Variants in NUP210 observed in about 807,000 individuals in gnomAD.
NUP210 encodes nuclear pore membrane glycoprotein 210.
Under a neutral mutation model 196.0 loss-of-function variants are expected in NUP210, and 151 were observed. That is an observed-to-expected ratio of 0.77 (90% confidence interval 0.67 to 0.88). The LOEUF is 0.88. NUP210 is among the 40% of genes least tolerant of loss of function. The probability of loss-of-function intolerance (pLI) is 0.00; values close to 1 mark genes in which losing one functional copy is unlikely to be tolerated. For synonymous variants in NUP210, 1,070 were observed against 1,052.7 expected (o/e 1.02, Z -0.32); for missense variants, 2,314 against 2,493.7 (o/e 0.93, Z 1.53).
Position 13,397,346 on chromosome 3 carries a change from G to A in NUP210, c.436+11C>T. The A allele has an allele frequency of 6.2e-7, 1 of 1,608,098 alleles. No individual in the cohort carries two copies. The highest frequency in any genetic ancestry group is 8.5e-7 in the Non-Finnish European group (1 of 1,177,976). ...GGCTGCAGAAGACAAACAGGCAGGGGACGTTCTCACCTTCGGAGTCCAGGG... is the reference window on the plus strand; with the variant it reads ...GGCTGCAGAAGACAAACAGGCAGGGAACGTTCTCACCTTCGGAGTCCAGGG... On this transcript the variant is annotated intron_variant, in intron 3 of 39. Coordinates refer to ENST00000254508, the MANE Select transcript of NUP210 (RefSeq NM_024923.4).
intron 20 of NUP210, among the ~76,000 whole-genome samples, chr3:13,346,279 C>T (rs1018206731): frequency 2.0e-5 from 3 of 152,192 alleles, no homozygotes; most frequent in Non-Finnish European, 2.9e-5. Flanking sequence ...GGCACTTGGC[C>T]GCTAGCTGGT....
intron 21 of NUP210, among the ~76,000 whole-genome samples, chr3:13,342,853 C>T (rs1407196062): frequency 6.6e-6 from 1 of 152,184 alleles, no homozygotes; most frequent in Non-Finnish European, 1.5e-5. Flanking sequence ...ACATGCTCAG[C>T]AGGGCATGTG....
In NUP210 at chr3:13,323,430, C is replaced by A; in HGVS notation, c.4647G>T (p.Val1549=). ...VAGHLRTYKE[V]VVSVPQRIMA... is the part of the protein sequence containing the mutation. The stretch of plus-strand genomic sequence containing the variant: ...TGATCCTCTGAGGGACGCTGACCAC[C>A]ACCTAGAGAGGGAGCCAAGGAAGCT... The change falls in exon 34 of 40, where the codon GTG becomes GTT. Residue 1549 remains valine (V), a splice_region_variant and synonymous_variant. Transcript: ENST00000254508. This position sits in a 1 kb window ranked among gnomAD's most constrained non-coding sequence, Gnocchi z 4.3. 1.2e-6 allele frequency: 2 copies of A among 1,614,076 alleles called. No homozygotes were observed. Among genetic ancestry groups the A allele is most frequent in the Non-Finnish European group, 1.7e-6 (2 of 1,179,984 alleles).
chr3:13,377,916 CACACCACCCACCTGCAGGCCCT>C (rs1385640004), intron 8 of NUP210, among the ~76,000 whole-genome samples: 4 of 151,246 alleles, frequency 2.6e-5, no homozygotes, highest in Non-Finnish European at 3.0e-5. Context: ...CTGCAGGCCC[CACACCACCCACCTGCAGGCCCT>C]ACACCACCCA....
chr3:13,318,967 C>A lies in NUP210; in HGVS notation c.5563+105G>T, dbSNP rs1377700033. 3 of 1,142,782 alleles carry A rather than the reference C, an allele frequency of 2.6e-6. No individual in the cohort carries two copies. The African/African-American group carries it at 4.7e-5, about 18-fold the overall frequency. The allele number at this position is 1,142,782 out of a possible 1,614,324, so 70.8% of individuals were successfully genotyped here. On this transcript the variant is annotated intron_variant, in intron 39 of 39. Transcript: ENST00000254508. Reference sequence around the variant, plus strand: ...GGGCCTCAGGCTCCTTTGGCCCAGGCAAGGGCCTGTTGAGACTTAGGGTTC... The same window carrying A: ...GGGCCTCAGGCTCCTTTGGCCCAGGAAAGGGCCTGTTGAGACTTAGGGTTC...
At chr3:13,322,508 A>G (rs1458740512) in intron 34 of NUP210, among the ~76,000 whole-genome samples, 169 bp from the exon 35 acceptor site, 6 of 152,244 alleles carry the variant, frequency 3.9e-5, no homozygotes, top group African/African-American at 1.4e-4. Context: ...GGATTGGTAA[A>G]GCCAAGGACA....
intron 31 of NUP210, among the ~76,000 whole-genome samples, chr3:13,328,149 C>T (rs1696852268): frequency 6.6e-6 from 1 of 152,238 alleles, no homozygotes; most frequent in South Asian, 2.1e-4. Flanking sequence ...GAACTGGGCT[C>T]CATTTCCTCC....
intron 6 of NUP210, among the ~76,000 whole-genome samples, chr3:13,380,270 A>C (rs1699058069): frequency 6.6e-6 from 1 of 152,176 alleles, no homozygotes; most frequent in African/African-American, 2.4e-5. Context: ...CCCGAGAAGT[A>C]AGAGTTCTAT....
chr3:13,319,905 G>C lies in NUP210; in HGVS notation c.5241C>G (p.Tyr1747Ter), dbSNP rs895137340. Residue 1747 changes from tyrosine to a stop codon, truncating the protein, a stop_gained, in exon 37 of 40, where the codon TAC (tyrosine) becomes TAG (stop). Transcript: ENST00000254508. LOFTEE classifies it high-confidence loss of function. ...CCGCGGGGTCCAAGACGCCGACCGTGTATGTGATGAAGCTGGGCCACCCAA... is the reference window on the plus strand; with the variant it reads ...CCGCGGGGTCCAAGACGCCGACCGTCTATGTGATGAAGCTGGGCCACCCAA... ...KSFGWPSFIT[Y>*]TVGVLDPAAG... 3 of 1,614,208 alleles carry C rather than the reference G, an allele frequency of 1.9e-6. No homozygotes were observed. The highest frequency in any genetic ancestry group is 2.5e-6 in the Non-Finnish European group (3 of 1,180,026).
intron 13 of NUP210, among the ~76,000 whole-genome samples, chr3:13,368,607 G>A (rs893914021): frequency 1.3e-5 from 2 of 152,086 alleles, no homozygotes; most frequent in African/African-American, 4.8e-5. Flanking sequence ...CCAGTCCCTG[G>A]CCACTACCAT....
intron 1 of NUP210, among the ~76,000 whole-genome samples, chr3:13,416,889 T>C (rs1700366059): frequency 6.6e-6 from 1 of 152,230 alleles, no homozygotes; most frequent in Non-Finnish European, 1.5e-5. Context: ...ACCAAAATGC[T>C]GCCTGTGATT....
intron 15 of NUP210, among the ~76,000 whole-genome samples, chr3:13,360,065 G>A (rs1698316767): frequency 1.3e-5 from 2 of 152,228 alleles, no homozygotes; most frequent in African/African-American, 4.8e-5. Flanking sequence ...CTGGCATAGC[G>A]GGAGGTCCCT....
chr3:13,318,445 G>A (rs1256149360), intron 39 of NUP210, among the ~76,000 whole-genome samples: 1 of 152,162 alleles, frequency 6.6e-6, no homozygotes, highest in Non-Finnish European at 1.5e-5. Context: ...CCTGAAGCCG[G>A]TCCATGGGCC....
intron 33 of NUP210, among the ~76,000 whole-genome samples, chr3:13,325,532 C>A (rs1456217613): frequency 6.6e-6 from 1 of 152,106 alleles, no homozygotes; most frequent in East Asian, 1.9e-4. Context: ...CAGACCCAAG[C>A]CCATGGGAGC....
chr3:13,418,403 A>G (rs954906630), intron 1 of NUP210, among the ~76,000 whole-genome samples: 1 of 151,714 alleles, frequency 6.6e-6, no homozygotes, highest in Admixed American at 6.6e-5. Context: ...GACCAGCCTG[A>G]CCAACATAGT....
At chr3:13,336,677 T>A in intron 27 of NUP210, 110 bp downstream of exon 27, 1 of 1,229,974 alleles carries the variant, frequency 8.1e-7, no homozygotes, top group Non-Finnish European at 1.1e-6. Flanking sequence ...TCTCTAGGTG[T>A]GAGGGTGGGG....
Position 13,347,867 on chromosome 3 carries a change from A to C in NUP210, c.2835+4012T>G, listed in dbSNP as rs979848232. Among the ~76,000 whole-genome samples, 1 of 152,190 alleles carries C rather than the reference A, an allele frequency of 6.6e-6. No individual in the cohort carries two copies. Among genetic ancestry groups the C allele is most frequent in the Non-Finnish European group, 1.5e-5 (1 of 68,034 alleles). On this transcript the variant is annotated intron_variant, in intron 20 of 39. Transcript: ENST00000254508. The surrounding 1 kb of genome is among the most constrained non-coding windows in gnomAD (Gnocchi z 4.7). ...TGCAGGCTTCAGAAGAGACCAGAGG[A>C]ACCAGGGCCTGATTGGAGTTGCGAG...
At chr3:13,378,518 C>A (rs1241802676) in intron 8 of NUP210, among the ~76,000 whole-genome samples, 1 of 152,240 alleles carries the variant, frequency 6.6e-6, no homozygotes, top group East Asian at 1.9e-4. Context: ...TTCCTCCCCT[C>A]CCTGCTAAGG....
chr3:13,357,281 G>A (rs576967924), intron 16 of NUP210, among the ~76,000 whole-genome samples: 2 of 152,310 alleles, frequency 1.3e-5, no homozygotes, highest in South Asian at 2.1e-4. Flanking sequence ...GTTAGATAGC[G>A]GTGAGCTCGC....
Sources: allele counts gnomAD v4.1 joint callset (sites outside exome capture counted in the v4.1 genomes callset), GRCh38; gene constraint gnomAD v4.1.1; non-coding constraint Gnocchi (gnomAD v3.1); transcripts MANE v1.5; gene names NCBI Gene and HGNC (gene_info 2026-07-23, HGNC 2026-07-21).